Variants in KCNH1 observed in about 807,000 individuals in gnomAD.
KCNH1 encodes the protein voltage-gated delayed rectifier potassium channel KCNH1.
Under a neutral mutation model 69.2 loss-of-function variants are expected in KCNH1, and 27 were observed. That is an observed-to-expected ratio of 0.39 (90% CI 0.29 to 0.54). The LOEUF is 0.54. Among genes scored for constraint, KCNH1 ranks in the 20% least tolerant of loss-of-function variants. KCNH1 has a pLI of 0.68. For synonymous variants in KCNH1, 456 were observed against 487.7 expected (o/e 0.93, Z 0.86); for missense variants, 798 against 1,261.6 (o/e 0.63, Z 5.57).
At chr1:211,001,236 G>A (rs1156586461) in intron 6 of KCNH1, among the ~76,000 whole-genome samples, 8 of 152,070 alleles carry the variant, frequency 5.3e-5, no homozygotes, top group South Asian at 2.1e-4. Context: ...AACCTACAGA[G>A]TGGGAGAACA....
intron 7 of KCNH1, among the ~76,000 whole-genome samples, chr1:210,833,895 A>T (rs1416920321): frequency 6.6e-6 from 1 of 152,266 alleles, no homozygotes; most frequent in Non-Finnish European, 1.5e-5. Context: ...GACACTTCTC[A>T]AAAGAAGACA....
At chr1:211,023,156 AAAT>A (rs1486913583) in intron 5 of KCNH1, among the ~76,000 whole-genome samples, 2 of 101,616 alleles carry the variant, frequency 2.0e-5, no homozygotes, top group African/African-American at 3.6e-5. Flanking sequence ...ATAAATAAAT[AAAT>A]AAATTAAAAA....
At chr1:211,124,610 G>A (rs1339627811) in intron 1 of KCNH1, among the ~76,000 whole-genome samples, 1 of 151,898 alleles carries the variant, frequency 6.6e-6, no homozygotes, top group Non-Finnish European at 1.5e-5. Context: ...AGCAAGACTC[G>A]GTCAAAAGAA....
At chr1:211,005,284 T>C (rs1689260060) in intron 6 of KCNH1, among the ~76,000 whole-genome samples, 1 of 152,166 alleles carries the variant, frequency 6.6e-6, no homozygotes, top group Non-Finnish European at 1.5e-5. Flanking sequence ...AAATCCAAAA[T>C]GGAAAATTCC....
chr1:210,989,012 C>G (rs987948174), intron 6 of KCNH1, among the ~76,000 whole-genome samples: 1 of 152,146 alleles, frequency 6.6e-6, no homozygotes. Context: ...CCTTAGATAA[C>G]ATTTTTTTTC....
intron 10 of KCNH1, among the ~76,000 whole-genome samples, chr1:210,730,983 C>T (rs1475290617): frequency 2.0e-5 from 3 of 152,170 alleles, no homozygotes; most frequent in Non-Finnish European, 4.4e-5. Flanking sequence ...TTTTAACTCT[C>T]CTTTTCCTCA....
chr1:211,133,726 G>A lies in KCNH1; in HGVS notation c.79+141C>T. On this transcript the variant is annotated intron_variant, in intron 1 of 10. Transcript: ENST00000271751. The surrounding 1 kb of genome is among the most constrained non-coding windows in gnomAD (Gnocchi z 5.4). ...GCCCACCTTTCTCTGCCTCGGGGAG[G>A]CTGCCCTGGGTGCCCGCGCCGCGGC... 1 of 711,500 alleles carries A rather than the reference G, an allele frequency of 1.4e-6. No homozygotes were observed. Among genetic ancestry groups the A allele is most frequent in the East Asian group, 2.9e-5 (1 of 34,750 alleles). The allele number at this position is 711,500 out of a possible 1,614,324, so 44.1% of individuals were successfully genotyped here.
chr1:210,984,566 T>C (rs977763432), intron 6 of KCNH1, among the ~76,000 whole-genome samples: 3 of 152,238 alleles, frequency 2.0e-5, no homozygotes, highest in African/African-American at 7.2e-5. Flanking sequence ...GTTTATATGC[T>C]GGATTACGTT....
chr1:210,696,166 A>C (rs932754232), intron 10 of KCNH1, among the ~76,000 whole-genome samples: 3 of 152,138 alleles, frequency 2.0e-5, no homozygotes, highest in African/African-American at 4.8e-5. Context: ...AAGTCTGGGG[A>C]GTAGCTACAC....
intron 7 of KCNH1, among the ~76,000 whole-genome samples, chr1:210,911,018 A>C (rs1042921465): frequency 1.3e-5 from 2 of 152,092 alleles, no homozygotes; most frequent in Non-Finnish European, 2.9e-5. Flanking sequence ...ATTTGTGTAG[A>C]TTGTAAGTTA....
rs561141571 is a variant in KCNH1 at position 210,680,698 on chromosome 1, C to T, written c.*2583G>A. ...GTTTTTTCAAAGAAAACAATTACAG[C>T]AAAAAATCCCTCAAATCCTAGGGAG... On this transcript the variant is annotated 3_prime_UTR_variant, in exon 11 of 11. Transcript: ENST00000271751. 1 of 152,250 alleles carries T rather than the reference C, an allele frequency of 6.6e-6. No homozygotes were observed. The highest frequency in any genetic ancestry group is 2.1e-4 in the South Asian group (1 of 4,818). 9.4% of individuals were successfully genotyped at this position (152,250 alleles called of 1,614,324 possible).
At chr1:210,720,053 C>T (rs1303361578) in intron 10 of KCNH1, among the ~76,000 whole-genome samples, 1 of 152,186 alleles carries the variant, frequency 6.6e-6, no homozygotes, top group Non-Finnish European at 1.5e-5. Context: ...CACATCATTG[C>T]AGTACACTGG....
rs982488876 is a variant in KCNH1 at position 210,984,443 on chromosome 1, G to A, written c.1032+34340C>T. On this transcript the variant is annotated intron_variant, in intron 6 of 10. Transcript: ENST00000271751. ...GATAGCTCTTATTATTTTGAGATAC[G>A]TCCCATCAATACCTAATTTATTGAG... Among the ~76,000 whole-genome samples, 11 of 152,120 alleles carry A rather than the reference G, an allele frequency of 7.2e-5. No individual in the cohort carries two copies. In the East Asian group the frequency reaches 9.6e-4, roughly 13 times the overall value.
chr1:210,850,185 C>G (rs1000107873), intron 7 of KCNH1, among the ~76,000 whole-genome samples: 1 of 151,974 alleles, frequency 6.6e-6, no homozygotes, highest in East Asian at 1.9e-4. Flanking sequence ...AGAGATGAAG[C>G]AAATAATTAA....
intron 6 of KCNH1, among the ~76,000 whole-genome samples, chr1:210,954,852 G>C (rs2102349645): frequency 6.6e-6 from 1 of 152,274 alleles, no homozygotes; most frequent in South Asian, 2.1e-4. Flanking sequence ...TCTGTAGGTT[G>C]CCTGTCCACT....
chr1:211,096,329 G>A (rs191215550), intron 3 of KCNH1, among the ~76,000 whole-genome samples: 230 of 152,278 alleles, frequency 1.5e-3, no homozygotes, highest in Admixed American at 2.4e-3. Flanking sequence ...CTCCCAAAGT[G>A]CTGTGATTAC....
chr1:210,862,170 C>T (rs1685993523), intron 7 of KCNH1: 7 of 1,348,068 alleles, frequency 5.2e-6, no homozygotes, highest in South Asian at 3.5e-5. Flanking sequence ...TCTGGAGCAG[C>T]GTTGAGACAA....
intron 10 of KCNH1, among the ~76,000 whole-genome samples, chr1:210,747,778 G>C (rs1683194635): frequency 6.6e-6 from 1 of 152,092 alleles, no homozygotes; most frequent in Admixed American, 6.6e-5. Flanking sequence ...GATTTCATTA[G>C]TTCTAATTTG....
chr1:210,888,031 G>C lies in KCNH1; in HGVS notation c.1462+31609C>G, dbSNP rs565618845. Among the ~76,000 whole-genome samples, 102 of 152,126 alleles carry C rather than the reference G, an allele frequency of 6.7e-4. 1 individual carries two copies. The highest frequency in any genetic ancestry group is 2.5e-3 in the African/African-American group (102 of 41,520). On this transcript the variant is annotated intron_variant, in intron 7 of 10. Coordinates refer to ENST00000271751, the MANE Select transcript of KCNH1 (RefSeq NM_172362.3). ...GAAGATTAACAAGGATATTCAGGAC[G>C]CGAACTCAGCTCTGGACCAAGCAGA...
Sources: gnomAD v4.1 joint callset for allele counts (sites outside exome capture counted in the v4.1 genomes callset) on GRCh38, gnomAD v4.1.1 for gene constraint, Gnocchi (gnomAD v3.1) non-coding constraint, MANE v1.5 for transcripts, NCBI Gene and HGNC (gene_info 2026-07-23, HGNC 2026-07-21) for gene names.